DLG2: variants seen among roughly 807,000 people sequenced by gnomAD.
The protein encoded by DLG2 is disks large homolog 2.
Under a neutral mutation model 132.5 loss-of-function variants are expected in DLG2, and 45 were observed. The observed-to-expected ratio is 0.34, with a 90% CI of 0.27 to 0.44. The LOEUF (loss-of-function observed/expected upper bound fraction) is 0.44. Ranked by LOEUF, DLG2 falls within the 20% of genes least tolerant of loss-of-function variation. DLG2 has a pLI of 1.00. For synonymous variants in DLG2, 424 were observed against 419.6 expected, an observed-to-expected ratio of 1.01 and a Z score of -0.13; for missense variants, 1,045 against 1,196.9, an observed-to-expected ratio of 0.87 and a Z score of 1.87.
chr11:83,613,975 A>T (rs2060456657), intron 19 of DLG2, among the ~76,000 whole-genome samples: 1 of 152,042 alleles, frequency 6.6e-6, no homozygotes, highest in Non-Finnish European at 1.5e-5. Context: ...TAAGGTTGAG[A>T]TACAATGAGA....
chr11:85,507,749 G>A (rs2093968005), intron 3 of DLG2, among the ~76,000 whole-genome samples: 1 of 152,066 alleles, frequency 6.6e-6, no homozygotes, highest in Admixed American at 6.6e-5. Flanking sequence ...TTTGAATGTT[G>A]GACTTCCTTG....
At chr11:83,654,368 C>G (rs2071638573) in intron 18 of DLG2, among the ~76,000 whole-genome samples, 1 of 152,190 alleles carries the variant, frequency 6.6e-6, no homozygotes, top group Non-Finnish European at 1.5e-5. Flanking sequence ...GATAACACTC[C>G]AAGTGTACCA....
chr11:84,256,356 C>T (rs887033438), intron 7 of DLG2, among the ~76,000 whole-genome samples: 16 of 152,210 alleles, frequency 1.1e-4, no homozygotes, highest in African/African-American at 3.9e-4. Context: ...TGTAGAGTAG[C>T]TAGTCAGCCA....
chr11:83,477,236 G>A (rs2092692525), intron 22 of DLG2, among the ~76,000 whole-genome samples: 1 of 152,030 alleles, frequency 6.6e-6, no homozygotes, highest in African/African-American at 2.4e-5. Context: ...CCTAATACAT[G>A]GGTGACTGTA....
chr11:84,001,172 T>C (rs1484337281), intron 11 of DLG2, among the ~76,000 whole-genome samples: 1 of 151,684 alleles, frequency 6.6e-6, no homozygotes, highest in Non-Finnish European at 1.5e-5. Flanking sequence ...AAAAACATGA[T>C]CCAACTATAT....
intron 17 of DLG2, among the ~76,000 whole-genome samples, chr11:83,825,023 TTTA>T (rs1400365427): frequency 2.0e-5 from 3 of 151,108 alleles, no homozygotes; most frequent in African/African-American, 7.3e-5. Flanking sequence ...GCCCACAGAT[TTTA>T]TTGTTTTTCT....
intron 3 of DLG2, among the ~76,000 whole-genome samples, chr11:85,318,512 G>A (rs1000131837): frequency 3.3e-5 from 5 of 151,764 alleles, no homozygotes; most frequent in African/African-American, 1.2e-4. Flanking sequence ...CCTTATCTTG[G>A]CCAAAGCTCT....
chr11:84,301,083 A>G (rs576553948), intron 7 of DLG2, among the ~76,000 whole-genome samples: 1 of 152,320 alleles, frequency 6.6e-6, no homozygotes, highest in African/African-American at 2.4e-5. Context: ...TGACTCAACA[A>G]TTGGTCTTTT....
rs532123160 is a variant in DLG2, at chr11:85,058,972, C to T, written c.357+52689G>A. On this transcript the variant is annotated intron_variant, in intron 6 of 27. Transcript: ENST00000376104. ...GATTTCCTAAAAAGGACACAAAAGG[C>T]ACTTTATCATTTCATAAAGAAAAAG... Among the ~76,000 whole-genome samples the T allele has an allele frequency of 2.6e-5, 4 of 151,126 alleles. No homozygotes were observed. The East Asian group carries it at 7.8e-4, about 29-fold the overall frequency.
chr11:84,957,163 A>G, intron 6 of DLG2, among the ~76,000 whole-genome samples: 1 of 152,118 alleles, frequency 6.6e-6, no homozygotes, highest in East Asian at 1.9e-4. Context: ...ATGGTTAAGT[A>G]CCTGCCCAAG....
intron 6 of DLG2, among the ~76,000 whole-genome samples, chr11:84,536,957 C>T (rs772609539): frequency 5.9e-5 from 9 of 152,180 alleles, no homozygotes; most frequent in Non-Finnish European, 1.2e-4. Flanking sequence ...AAATTCTCTA[C>T]ACTGATCCAG....
intron 19 of DLG2, among the ~76,000 whole-genome samples, chr11:83,577,675 T>C (rs1396092323): frequency 7.9e-6 from 1 of 126,544 alleles, no homozygotes; most frequent in Non-Finnish European, 1.6e-5. Flanking sequence ...AAATATATCC[T>C]ATTTATATCC....
At chr11:85,004,731 T>G (rs2058502800) in intron 6 of DLG2, among the ~76,000 whole-genome samples, 1 of 152,232 alleles carries the variant, frequency 6.6e-6, no homozygotes, top group Admixed American at 6.5e-5. Flanking sequence ...TTAGTTTAAT[T>G]AGATCCTATT....
chr11:85,591,174 C>G (rs2079305563), intron 3 of DLG2, among the ~76,000 whole-genome samples: 1 of 152,158 alleles, frequency 6.6e-6, no homozygotes, highest in Non-Finnish European at 1.5e-5. Context: ...TGACATGAAA[C>G]ACACAACTAA....
chr11:83,682,380 G>C, intron 18 of DLG2: 1 of 985,256 alleles, frequency 1.0e-6, no homozygotes, highest in Non-Finnish European at 1.2e-6. Context: ...CAGCATTCTC[G>C]CTCACTGGGT....
At chr11:84,094,450 T>C (rs1452068562) in intron 10 of DLG2, among the ~76,000 whole-genome samples, 1 of 152,186 alleles carries the variant, frequency 6.6e-6, no homozygotes, top group Non-Finnish European at 1.5e-5. Flanking sequence ...TGGACCTTAG[T>C]TTCTCTGTAA....
At chr11:83,727,850 A>G (rs1215526019) in intron 18 of DLG2, among the ~76,000 whole-genome samples, 1 of 152,220 alleles carries the variant, frequency 6.6e-6, no homozygotes, top group Non-Finnish European at 1.5e-5. Context: ...GTGAGATCAA[A>G]CAAAAGGAAG....
intron 6 of DLG2, among the ~76,000 whole-genome samples, chr11:84,583,657 T>C (rs560968984): frequency 1.6e-4 from 24 of 152,350 alleles, no homozygotes; most frequent in African/African-American, 5.8e-4. Context: ...TGCTTCATTC[T>C]TGTATCTCTG....
chr11:84,430,883 G>A (rs568188726), intron 7 of DLG2, among the ~76,000 whole-genome samples: 1 of 152,300 alleles, frequency 6.6e-6, no homozygotes, highest in African/African-American at 2.4e-5. Context: ...GCAGACACTG[G>A]CGCTGAGTCA....
Sources: gnomAD v4.1 joint callset for allele counts (sites outside exome capture counted in the v4.1 genomes callset) on GRCh38, gnomAD v4.1.1 for gene constraint, MANE v1.5 for transcripts, NCBI Gene and HGNC (gene_info 2026-07-23, HGNC 2026-07-21) for gene names.